The following CFDP1 variants were observed in gnomAD, a reference collection of about 807,000 sequenced individuals.
CFDP1 encodes chromatin remodeling protein CFDP1.
A neutral mutation model predicts 40.1 loss-of-function variants in CFDP1; 31 were observed. The ratio of observed to expected loss-of-function variants is 0.77; its 90% CI spans 0.58 to 1.04. The LOEUF is 1.04. Among genes scored for constraint, CFDP1 ranks in the 50% least tolerant of loss-of-function variants. The probability of loss-of-function intolerance (pLI) is 0.00; values close to 1 mark genes in which losing one functional copy is unlikely to be tolerated. For synonymous variants in CFDP1, 167 were observed against 120.0 expected (o/e 1.39, Z -2.56); for missense variants, 423 against 343.4 (o/e 1.23, Z -1.83).
intron 5 of CFDP1, among the ~76,000 whole-genome samples, chr16:75,308,045 T>C (rs1182985210): frequency 6.6e-6 from 1 of 152,224 alleles, no homozygotes; most frequent in African/African-American, 2.4e-5. Flanking sequence ...GCAGACTCAC[T>C]GTTGACAACA....
intron 1 of CFDP1, among the ~76,000 whole-genome samples, chr16:75,423,663 C>T (rs1369054878): frequency 2.6e-5 from 4 of 151,920 alleles, no homozygotes; most frequent in East Asian, 1.9e-4. Context: ...TACAGGCACC[C>T]GCCACCTCGC....
intron 5 of CFDP1, chr16:75,372,642 A>G (rs1037192196): frequency 6.6e-6 from 1 of 152,230 alleles, no homozygotes; most frequent in Admixed American, 6.5e-5. Flanking sequence ...CTGGAAGCCA[A>G]TCTACTTGCT....
intron 1 of CFDP1, among the ~76,000 whole-genome samples, chr16:75,416,583 AC>A (rs996698058): frequency 6.6e-6 from 1 of 151,792 alleles, no homozygotes; most frequent in African/African-American, 2.4e-5. Flanking sequence ...CAACTGTGAA[AC>A]CCTGTCTCTA....
chr16:75,432,847 C>A (rs563332969), intron 1 of CFDP1, among the ~76,000 whole-genome samples: 1 of 152,300 alleles, frequency 6.6e-6, no homozygotes, highest in South Asian at 2.1e-4. Flanking sequence ...GGGGAACTTT[C>A]TATCAGAACT....
chr16:75,429,310 A>G (rs1469174905), intron 1 of CFDP1, among the ~76,000 whole-genome samples: 1 of 152,112 alleles, frequency 6.6e-6, no homozygotes, highest in Non-Finnish European at 1.5e-5. Context: ...CAAACAGACA[A>G]TCAATTACGC....
chr16:75,306,752 T>A (rs1316660369), intron 5 of CFDP1, among the ~76,000 whole-genome samples: 1 of 152,166 alleles, frequency 6.6e-6, no homozygotes, highest in Non-Finnish European at 1.5e-5. Context: ...ATTTTCTCAT[T>A]AGTTACTTTA....
chr16:75,356,040 ACTT>A (rs1325724354), intron 5 of CFDP1, among the ~76,000 whole-genome samples: 4 of 152,132 alleles, frequency 2.6e-5, no homozygotes, highest in Non-Finnish European at 4.4e-5. Flanking sequence ...GTTGGAATAA[ACTT>A]CTTCTAAACT....
intron 5 of CFDP1, among the ~76,000 whole-genome samples, chr16:75,332,731 A>G (rs1292520414): frequency 6.6e-6 from 1 of 150,660 alleles, no homozygotes; most frequent in Non-Finnish European, 1.5e-5. Flanking sequence ...ATATATTTAT[A>G]TATAAAAACA....
At chr16:75,350,764 G>C (rs1324627638) in intron 5 of CFDP1, among the ~76,000 whole-genome samples, 1 of 151,970 alleles carries the variant, frequency 6.6e-6, no homozygotes, top group African/African-American at 2.4e-5. Context: ...CAAAATAAAT[G>C]AGGAAACTCT....
intron 2 of CFDP1, 88 bp downstream of exon 2, chr16:75,414,490 C>A: frequency 2.5e-6 from 2 of 786,342 alleles, no homozygotes; most frequent in Non-Finnish European, 4.4e-6. Flanking sequence ...ACTCTGGCTT[C>A]ATTAAATCTA....
chr16:75,316,422 C>T (rs1217640768), intron 5 of CFDP1, among the ~76,000 whole-genome samples: 1 of 151,956 alleles, frequency 6.6e-6, no homozygotes, highest in African/African-American at 2.4e-5. Context: ...ATTTGAAAGG[C>T]CAGGCAGTGT....
chr16:75,428,803 A>G (rs565958911), intron 1 of CFDP1, among the ~76,000 whole-genome samples: 57 of 152,192 alleles, frequency 3.7e-4, no homozygotes, highest in African/African-American at 1.3e-3. Flanking sequence ...ATACCAAGAT[A>G]TATCATGGTG....
At chr16:75,310,744 CT>C (rs1188624724) in intron 5 of CFDP1, among the ~76,000 whole-genome samples, 1 of 152,302 alleles carries the variant, frequency 6.6e-6, no homozygotes, top group East Asian at 1.9e-4. Context: ...AAAAGAGGTA[CT>C]GGAAAGGAGC....
intron 5 of CFDP1, among the ~76,000 whole-genome samples, chr16:75,351,570 CA>C (rs2078611280): frequency 6.6e-6 from 1 of 152,036 alleles, no homozygotes. Flanking sequence ...TGGACTGAAA[CA>C]ACATCAAATG....
At chr16:75,365,843 GA>G (rs2151534763) in intron 5 of CFDP1, among the ~76,000 whole-genome samples, 1 of 152,264 alleles carries the variant, frequency 6.6e-6, no homozygotes, top group Admixed American at 6.5e-5. Context: ...TAAATACAAT[GA>G]AGTACCACTA....
At chr16:75,429,380 G>C (rs887153737) in intron 1 of CFDP1, among the ~76,000 whole-genome samples, 1 of 152,310 alleles carries the variant, frequency 6.6e-6, no homozygotes, top group Admixed American at 6.5e-5. Context: ...CTGACCAGGC[G>C]TGGTGGCTCA....
intron 4 of CFDP1, among the ~76,000 whole-genome samples, chr16:75,408,888 C>A (rs62062565): frequency 6.6e-6 from 1 of 151,644 alleles, no homozygotes; most frequent in Non-Finnish European, 1.5e-5. Flanking sequence ...GACAGAGTCT[C>A]GCTCTGTTGC....
intron 6 of CFDP1, among the ~76,000 whole-genome samples, chr16:75,302,762 C>G (rs575529402): frequency 3.6e-4 from 55 of 152,338 alleles, no homozygotes; most frequent in Non-Finnish European, 2.1e-4. Context: ...TCAGAGCTAC[C>G]ACTCGTGAAG....
intron 1 of CFDP1, among the ~76,000 whole-genome samples, chr16:75,424,056 CA>C (rs202063453): frequency 6.8e-6 from 1 of 147,820 alleles, no homozygotes; most frequent in Non-Finnish European, 1.5e-5. Context: ...TATTAACAGA[CA>C]AAAAAAAAGA....
Sources: allele counts gnomAD v4.1 joint callset (sites outside exome capture counted in the v4.1 genomes callset), GRCh38; gene constraint gnomAD v4.1.1; transcripts MANE v1.5; gene names NCBI Gene and HGNC (gene_info 2026-07-23, HGNC 2026-07-21).